The following CPS1 variants were observed in gnomAD, a reference collection of about 807,000 sequenced individuals.
CPS1 encodes carbamoyl-phosphate synthase 1.
In CPS1, 109 loss-of-function variants were observed where a neutral mutation model predicts 174.6. The observed-to-expected ratio is 0.62, with a 90% CI of 0.53 to 0.73. The LOEUF is 0.73. Ranked by LOEUF, CPS1 falls within the 30% of genes least tolerant of loss-of-function variation. The probability of loss-of-function intolerance (pLI) is 0.00; values close to 1 mark genes in which losing one functional copy is unlikely to be tolerated. For missense variants in CPS1, 1,689 were observed against 1,821.9 expected, an observed-to-expected ratio of 0.93 and a Z score of 1.33; for synonymous variants, 637 against 632.0, an observed-to-expected ratio of 1.01 and a Z score of -0.12.
At chr2:210,600,930 C>T (rs1698701028) in intron 15 of CPS1, among the ~76,000 whole-genome samples, 1 of 151,706 alleles carries the variant, frequency 6.6e-6, no homozygotes, top group South Asian at 2.1e-4. Context: ...AACAGAAGTC[C>T]AGAGATGAAG....
intron 6 of CPS1, among the ~76,000 whole-genome samples, chr2:210,583,381 G>A (rs981889829): frequency 6.6e-6 from 1 of 152,096 alleles, no homozygotes; most frequent in African/African-American, 2.4e-5. Context: ...GAACAAACAA[G>A]CAAGTAAATC....
intron 28 of CPS1, among the ~76,000 whole-genome samples, chr2:210,651,578 A>T (rs1700560449): frequency 6.6e-6 from 1 of 152,180 alleles, no homozygotes. Flanking sequence ...CATGTGAGTG[A>T]TGAGGCAGGT....
In CPS1 at chr2:210,556,623, A is replaced by T. The variant is rs1696920433; in HGVS notation, c.-111A>T. ...CAAAGATCGCTGTGCAGTCAGCCTTAAACACTGACTGCACCCCTCCCAGAT... is the reference window on the plus strand; with the variant it reads ...CAAAGATCGCTGTGCAGTCAGCCTTTAACACTGACTGCACCCCTCCCAGAT... On this transcript the variant is annotated 5_prime_UTR_variant, in exon 1 of 38. Transcript: ENST00000233072. 53 of 1,546,756 alleles carry T rather than the reference A, an allele frequency of 3.4e-5. 2 individuals are homozygous for T. In the South Asian group the frequency reaches 6.4e-4, roughly 19 times the overall value.
chr2:210,626,621 G>A (rs1383459491), intron 21 of CPS1, among the ~76,000 whole-genome samples: 1 of 152,062 alleles, frequency 6.6e-6, no homozygotes, highest in African/African-American at 2.4e-5. Flanking sequence ...ATACATGTAG[G>A]CAGTATAGGT....
At chr2:210,492,170 G>A (rs1022560229) in intron 1 of CPS1, among the ~76,000 whole-genome samples, 5 of 152,120 alleles carry the variant, frequency 3.3e-5, no homozygotes, top group African/African-American at 1.2e-4. Flanking sequence ...TTCATCATTT[G>A]GAAATCTCAA....
At chr2:210,489,826 G>A (rs1173674566) in intron 1 of CPS1, among the ~76,000 whole-genome samples, 6 of 151,914 alleles carry the variant, frequency 3.9e-5, no homozygotes, top group East Asian at 3.9e-4. Flanking sequence ...GTGAAACCCC[G>A]TCTCTACTGA....
chr2:210,669,942 G>T (rs1372675258), intron 34 of CPS1, among the ~76,000 whole-genome samples: 2 of 152,068 alleles, frequency 1.3e-5, no homozygotes, highest in African/African-American at 4.8e-5. Flanking sequence ...GCCTTGTTTG[G>T]TTCTAGTGCT....
intron 1 of CPS1, 109 bp downstream of exon 1, chr2:210,556,968 T>C: frequency 1.6e-6 from 2 of 1,242,410 alleles, no homozygotes; most frequent in Non-Finnish European, 2.4e-6. Context: ...AGCTCTGAAG[T>C]ACTAATGTAT....
At position 210,488,783 on chromosome 2, in the gene CPS1, T is replaced by C. The variant is rs575153335; in HGVS notation, c.3+11017T>C. 1.4e-4 allele frequency among the ~76,000 whole-genome samples: 21 copies of C among 152,330 alleles called. 1 individual carries two copies. In the South Asian group the frequency reaches 4.4e-3, roughly 32 times the overall value. On this transcript the variant is annotated intron_variant, in intron 1 of 38. Coordinates refer to the CPS1 transcript ENST00000430249. ...TGTTTACAGCTATGCCTATCTCCTC[T>C]TCCTCATTCCTTCATTCCTTCTACT... is the stretch of plus-strand genomic sequence containing the variant.
chr2:210,517,821 C>G (rs1695721786), intron 1 of CPS1, among the ~76,000 whole-genome samples: 1 of 151,880 alleles, frequency 6.6e-6, no homozygotes, highest in Non-Finnish European at 1.5e-5. Context: ...TTTGTCAAAA[C>G]TCTTATGGCT....
intron 37 of CPS1, among the ~76,000 whole-genome samples, chr2:210,677,443 T>G (rs979478319): frequency 1.3e-5 from 2 of 152,222 alleles, no homozygotes; most frequent in African/African-American, 2.4e-5. Flanking sequence ...ATTTCATTGT[T>G]TCTAAATGAA....
chr2:210,499,064 A>G (rs1695076045), intron 1 of CPS1, among the ~76,000 whole-genome samples: 1 of 151,874 alleles, frequency 6.6e-6, no homozygotes, highest in African/African-American at 2.4e-5. Flanking sequence ...CCACACAGGA[A>G]TGGTTGGGTG....
intron 1 of CPS1, among the ~76,000 whole-genome samples, chr2:210,539,394 G>A (rs151193001): frequency 4.5e-4 from 69 of 152,186 alleles, no homozygotes; most frequent in Middle Eastern, 3.4e-3. Context: ...GGAATTATCC[G>A]CAGTAGTTTC....
intron 25 of CPS1, 98 bp downstream of exon 25, chr2:210,642,763 A>AT: frequency 4.4e-6 from 5 of 1,139,338 alleles, no homozygotes; most frequent in Non-Finnish European, 6.3e-6. Context: ...GTATATAGTA[A>AT]TTCCTCTTAG....
intron 1 of CPS1, among the ~76,000 whole-genome samples, chr2:210,533,976 GA>G (rs2106003809): frequency 6.6e-6 from 1 of 152,330 alleles, no homozygotes; most frequent in South Asian, 2.1e-4. Flanking sequence ...TTGGTTTAAT[GA>G]GACAGTGAAT....
rs1697708671 is a variant in CPS1, at chr2:210,576,260, G to T, written c.237-86G>T. On this transcript the variant is annotated intron_variant, in intron 2 of 37. Transcript: ENST00000233072. ...TGTTGGATTCTTCTCATTTTCAAGG[G>T]TTAAATAATTCAGAGCATGTATGCA... 5.0e-6 allele frequency: 7 copies of T among 1,400,904 alleles called. No individual in the cohort carries two copies. In the South Asian group the frequency reaches 8.1e-5, roughly 16 times the overall value. 86.8% of individuals were successfully genotyped at this position (1,400,904 alleles called of 1,614,324 possible).
chr2:210,669,567 A>G (rs1273045902), intron 34 of CPS1, among the ~76,000 whole-genome samples: 1 of 152,150 alleles, frequency 6.6e-6, no homozygotes, highest in East Asian at 1.9e-4. Context: ...CTTTACAGGT[A>G]GTGGCTTTGG....
At chr2:210,655,215 A>T (rs1228072574) in intron 29 of CPS1, among the ~76,000 whole-genome samples, 1 of 152,230 alleles carries the variant, frequency 6.6e-6, no homozygotes, top group Non-Finnish European at 1.5e-5. Context: ...AGGTTGAGAT[A>T]TAAAATAAGA....
chr2:210,522,048 C>A (rs1412246070), intron 1 of CPS1, among the ~76,000 whole-genome samples: 1 of 151,996 alleles, frequency 6.6e-6, no homozygotes. Context: ...CAAGGCTCTT[C>A]TGACTCTAAT....
Sources: allele counts gnomAD v4.1 joint callset (sites outside exome capture counted in the v4.1 genomes callset), GRCh38; gene constraint gnomAD v4.1.1; transcripts MANE v1.5; gene names NCBI Gene and HGNC (gene_info 2026-07-23, HGNC 2026-07-21).